CTNNA3: variants seen among roughly 807,000 people sequenced by gnomAD.
The protein encoded by CTNNA3 is catenin alpha 3, also known as catenin alpha-3.
Under a neutral mutation model 95.7 loss-of-function variants are expected in CTNNA3, and 76 were observed. That is an observed-to-expected ratio of 0.79 (90% confidence interval 0.66 to 0.96). CTNNA3 has a LOEUF of 0.96. CTNNA3 is among the 40% of genes least tolerant of loss of function. The probability of loss-of-function intolerance (pLI) is 0.00; values close to 1 mark genes in which losing one functional copy is unlikely to be tolerated. For missense variants in CTNNA3, 1,191 were observed against 1,089.8 expected (o/e 1.09, Z -1.31); for synonymous variants, 431 against 374.4 (o/e 1.15, Z -1.74).
chr10:67,235,933 G>C (rs1322780886), intron 5 of CTNNA3, among the ~76,000 whole-genome samples: 9 of 146,756 alleles, frequency 6.1e-5, no homozygotes, highest in African/African-American at 1.8e-4. Flanking sequence ...CTGGCCATCA[G>C]AGAAATGCAA....
intron 7 of CTNNA3, among the ~76,000 whole-genome samples, chr10:66,884,968 A>G (rs981878393): frequency 6.6e-6 from 1 of 152,084 alleles, no homozygotes; most frequent in Admixed American, 6.6e-5. Context: ...AGAAATACTG[A>G]TTTGAGGGTA....
intron 7 of CTNNA3, among the ~76,000 whole-genome samples, chr10:66,800,407 G>A (rs1368312845): frequency 1.3e-5 from 2 of 150,820 alleles, no homozygotes; most frequent in African/African-American, 2.4e-5. Flanking sequence ...TGGAATTATA[G>A]GTTTTATAAA....
chr10:66,063,200 A>G (rs1349802134), intron 15 of CTNNA3, among the ~76,000 whole-genome samples: 1 of 74,872 alleles, frequency 1.3e-5, no homozygotes, highest in Non-Finnish European at 2.8e-5. Flanking sequence ...ACATGTATAT[A>G]TATATATATA....
chr10:66,760,111 G>C (rs1839543913), intron 9 of CTNNA3, among the ~76,000 whole-genome samples: 1 of 152,140 alleles, frequency 6.6e-6, no homozygotes, highest in Non-Finnish European at 1.5e-5. Context: ...TATTTTAAAT[G>C]CAATCTATGT....
In CTNNA3 at chr10:67,663,317, T is replaced by A. The variant is rs560734102; in HGVS notation, c.-5-15799A>T. On this transcript the variant is annotated intron_variant, in intron 1 of 17. Transcript: ENST00000433211. ...GTTTTTGTACTGCTTTAAAAAAAAA[T>A]TTCTTTTTATTTTTCTTTGTGTGTG... Among the ~76,000 whole-genome samples, 89 of 146,768 alleles carry A rather than the reference T, an allele frequency of 6.1e-4. 2 individuals are homozygous for A. Among genetic ancestry groups the A allele is most frequent in the African/African-American group, 2.3e-3 (84 of 36,346 alleles).
At chr10:66,516,962 C>T (rs1205279625) in intron 11 of CTNNA3, among the ~76,000 whole-genome samples, 1 of 152,138 alleles carries the variant, frequency 6.6e-6, no homozygotes, top group East Asian at 1.9e-4. Context: ...GTGGCTCACA[C>T]CTATAATCCC....
chr10:67,564,677 G>GTATGTATATATATATA lies in CTNNA3; in HGVS notation c.293-25009_293-25008insTATATATATATACATA, dbSNP rs1554854250. 2.1e-4 allele frequency among the ~76,000 whole-genome samples: 13 copies of GTATGTATATATATATA among 61,338 alleles called. 1 individual carries two copies. The highest frequency in any genetic ancestry group is 8.3e-4 in the African/African-American group (13 of 15,666). The allele number at this position is 61,338 out of a possible 152,430, so 40.2% of individuals were successfully genotyped here. ...TATATGCATATATGTGTGTGTGTGT[G>GTATGTATATATATATA]TATATATATATATATATATATATAT... On this transcript the variant is annotated intron_variant, in intron 3 of 17. Coordinates refer to ENST00000433211, the MANE Select transcript of CTNNA3 (RefSeq NM_013266.4).
chr10:66,179,508 G>A (rs1222146647), intron 13 of CTNNA3, among the ~76,000 whole-genome samples: 1 of 151,950 alleles, frequency 6.6e-6, no homozygotes, highest in Non-Finnish European at 1.5e-5. Context: ...TTTGCAAGGT[G>A]TTATTTATTG....
chr10:65,942,503 T>G (rs533920405), intron 17 of CTNNA3, among the ~76,000 whole-genome samples: 191 of 152,274 alleles, frequency 1.3e-3, no homozygotes, highest in Middle Eastern at 3.4e-3. Flanking sequence ...CACTCCAGTC[T>G]GGTGACAGAC....
intron 6 of CTNNA3, among the ~76,000 whole-genome samples, chr10:67,217,937 T>A (rs2132259736): frequency 1.3e-5 from 2 of 152,248 alleles, no homozygotes; most frequent in South Asian, 4.2e-4. Flanking sequence ...CAGGTCGCAG[T>A]TAAAATGCAG....
intron 7 of CTNNA3, among the ~76,000 whole-genome samples, chr10:67,144,375 G>A (rs543625557): frequency 2.0e-5 from 3 of 152,296 alleles, no homozygotes; most frequent in Admixed American, 6.5e-5. Context: ...AAAAGAGTTA[G>A]CCTGTCCTTT....
chr10:67,165,336 C>T (rs1232171716), intron 7 of CTNNA3, among the ~76,000 whole-genome samples: 8 of 151,654 alleles, frequency 5.3e-5, no homozygotes, highest in African/African-American at 9.7e-5. Context: ...TTGCATTTGC[C>T]GAGGGTTAGG....
intron 5 of CTNNA3, among the ~76,000 whole-genome samples, chr10:67,335,294 C>T (rs577944922): frequency 1.2e-4 from 18 of 152,214 alleles, no homozygotes; most frequent in African/African-American, 3.6e-4. Context: ...TGCCTTGCAC[C>T]CTGACCTGCC....
At chr10:67,180,660 A>G (rs1219108871) in intron 6 of CTNNA3, 140 bp from the exon 7 acceptor site, 2 of 659,154 alleles carry the variant, frequency 3.0e-6, no homozygotes. Context: ...GCTGGTTCAC[A>G]CATAATGCTA....
At chr10:66,654,641 G>A (rs1384973310) in intron 9 of CTNNA3, among the ~76,000 whole-genome samples, 1 of 152,018 alleles carries the variant, frequency 6.6e-6, no homozygotes, top group African/African-American at 2.4e-5. Flanking sequence ...ATGTCAAAGA[G>A]ATTGCCTGCA....
At chr10:66,626,827 C>G (rs10997266) in intron 9 of CTNNA3, among the ~76,000 whole-genome samples, 2 of 151,668 alleles carry the variant, frequency 1.3e-5, no homozygotes, top group Non-Finnish European at 2.9e-5. Flanking sequence ...AGTGTGTATA[C>G]GCATGGAAGA....
rs574058071 is a variant in CTNNA3 at position 66,880,333 on chromosome 10, T to C, written c.1048-104809A>G. 1.8e-4 allele frequency among the ~76,000 whole-genome samples: 27 copies of C among 152,036 alleles called. 1 individual carries two copies. In the South Asian group the frequency reaches 5.6e-3, roughly 32 times the overall value. ...GGGAACTAAAAGCCACATTTAAGAG[T>C]AAAGAGCCACAAGATGGTATCAGAG... On this transcript the variant is annotated intron_variant, in intron 7 of 17. Coordinates refer to ENST00000433211, the MANE Select transcript of CTNNA3 (RefSeq NM_013266.4).
At chr10:67,349,086 A>G (rs546595137) in intron 5 of CTNNA3, among the ~76,000 whole-genome samples, 1 of 152,338 alleles carries the variant, frequency 6.6e-6, no homozygotes, top group Non-Finnish European at 1.5e-5. Context: ...AGAAACTGGA[A>G]CCTTTGCACA....
At chr10:67,433,617 T>C (rs750036983) in intron 5 of CTNNA3, among the ~76,000 whole-genome samples, 5 of 152,018 alleles carry the variant, frequency 3.3e-5, no homozygotes, top group Admixed American at 6.6e-5. Context: ...ATCAAACACA[T>C]TGAACATTTA....
Sources: allele counts gnomAD v4.1 joint callset (sites outside exome capture counted in the v4.1 genomes callset), GRCh38; gene constraint gnomAD v4.1.1; transcripts MANE v1.5; gene names NCBI Gene and HGNC (gene_info 2026-07-23, HGNC 2026-07-21).